Variants in TBC1D2B observed in about 807,000 individuals in gnomAD.
TBC1D2B encodes the protein TBC1 domain family member 2B.
A neutral mutation model predicts 100.8 loss-of-function variants in TBC1D2B; 64 were observed. That is an observed-to-expected ratio of 0.64 (90% CI 0.52 to 0.78). TBC1D2B has a LOEUF of 0.78. Among genes scored for constraint, TBC1D2B ranks in the 30% least tolerant of loss-of-function variants. The pLI is 0.00. For missense variants in TBC1D2B, 1,052 were observed against 1,218.4 expected, an observed-to-expected ratio of 0.86 and a Z score of 2.03; for synonymous variants, 480 against 479.7, an observed-to-expected ratio of 1.00 and a Z score of -0.01.
At chr15:78,031,554 C>CAAAAAAA (rs1225713046) in intron 3 of TBC1D2B, among the ~76,000 whole-genome samples, 28,424 of 54,662 alleles carry the variant, frequency 0.52, 10,344 homozygotes, top group East Asian at 0.67. Flanking sequence ...ACTCTGTCTC[C>CAAAAAAA]AAAAAAAAAA....
intron 3 of TBC1D2B, among the ~76,000 whole-genome samples, chr15:78,038,431 GT>G (rs938708928): frequency 6.1e-4 from 93 of 152,354 alleles, no homozygotes; most frequent in African/African-American, 2.2e-3. Flanking sequence ...GGCAGGGCCT[GT>G]TGGGAAGACA....
chr15:78,016,816 T>C, intron 7 of TBC1D2B, 77 bp from the exon 8 acceptor site: 5 of 1,258,136 alleles, frequency 4.0e-6, no homozygotes, highest in Middle Eastern at 2.0e-4. Context: ...AAATGACCAG[T>C]GAACAACAAA....
chr15:78,008,121 C>T (rs963269537), intron 10 of TBC1D2B, among the ~76,000 whole-genome samples: 20 of 152,210 alleles, frequency 1.3e-4, no homozygotes, highest in Admixed American at 3.9e-4. Flanking sequence ...GGCCGGCTTA[C>T]GGGGAAGCCA....
intron 1 of TBC1D2B, among the ~76,000 whole-genome samples, chr15:78,056,203 G>GGAA (rs1331792709): frequency 1.3e-5 from 2 of 152,184 alleles, no homozygotes; most frequent in Non-Finnish European, 2.9e-5. Flanking sequence ...GTCTTAAAGG[G>GGAA]GAAGCAGGCA....
chr15:78,015,286 A>T (rs2072342611), intron 8 of TBC1D2B, among the ~76,000 whole-genome samples: 1 of 152,208 alleles, frequency 6.6e-6, no homozygotes, highest in African/African-American at 2.4e-5. Context: ...AGGTAAAATG[A>T]AACTATATTG....
intron 9 of TBC1D2B, among the ~76,000 whole-genome samples, chr15:78,010,580 G>C (rs1393884892): frequency 6.6e-6 from 1 of 152,072 alleles, no homozygotes; most frequent in African/African-American, 2.4e-5. Context: ...ACCACTGGCA[G>C]AGACAGAGGA....
chr15:78,035,055 A>G (rs1336421636), intron 3 of TBC1D2B, among the ~76,000 whole-genome samples: 1 of 152,168 alleles, frequency 6.6e-6, no homozygotes, highest in Non-Finnish European at 1.5e-5. Flanking sequence ...CCGCAGTCTC[A>G]TTTGACAGAT....
intron 3 of TBC1D2B, among the ~76,000 whole-genome samples, chr15:78,040,661 A>G (rs2073056568): frequency 1.4e-5 from 2 of 143,100 alleles, no homozygotes; most frequent in Admixed American, 1.4e-4. Flanking sequence ...AGAAAGAAAG[A>G]AAGAGAAAGA....
Position 78,024,565 on chromosome 15 carries a change from G to A in TBC1D2B, c.1087-26C>T, listed in dbSNP as rs770649301. On this transcript the variant is annotated intron_variant, in intron 5 of 12. Coordinates refer to ENST00000300584, the MANE Select transcript of TBC1D2B (RefSeq NM_144572.2). ...CTGGGAGCCAAAAGGAGAATGGAGT[G>A]AAGGGTGAAAAGAGCAAGGAGAGGA... 16 of 1,585,830 alleles carry A rather than the reference G, an allele frequency of 1.0e-5. 1 individual carries two copies. In the South Asian group the frequency reaches 1.5e-4, roughly 15 times the overall value.
chr15:78,077,187 G>A (rs2073842651), intron 1 of TBC1D2B, 106 bp downstream of exon 1: 1 of 1,354,540 alleles, frequency 7.4e-7, no homozygotes, highest in Admixed American at 3.6e-5. Flanking sequence ...GACGTGGGCA[G>A]GGGCGAGGAG....
intron 9 of TBC1D2B, among the ~76,000 whole-genome samples, chr15:78,010,168 G>T (rs1299246273): frequency 1.3e-5 from 2 of 152,126 alleles, no homozygotes; most frequent in Non-Finnish European, 2.9e-5. Context: ...CTGCAGATGA[G>T]GGCACCCCAA....
intron 9 of TBC1D2B, 60 bp from the exon 10 acceptor site, chr15:78,009,174 CCA>C: frequency 8.3e-7 from 1 of 1,209,042 alleles, no homozygotes; most frequent in Non-Finnish European, 1.2e-6. Context: ...ACTACAGTCT[CCA>C]CAGAGACCAT....
At chr15:78,053,852 C>G in intron 2 of TBC1D2B, 182 bp downstream of exon 2, 2 of 652,888 alleles carry the variant, frequency 3.1e-6, no homozygotes. Flanking sequence ...CCAAGGCTGT[C>G]ACTGGGCTTG....
intron 7 of TBC1D2B, 45 bp from the exon 8 acceptor site, chr15:78,016,784 G>C (rs750697127): frequency 6.9e-7 from 1 of 1,441,290 alleles, no homozygotes; most frequent in Admixed American, 2.8e-5. Context: ...AGAGACACAG[G>C]AAGAGCAATC....
Position 78,016,759 on chromosome 15 carries a change from T to C in TBC1D2B, c.1582-20A>G, listed in dbSNP as rs763170675. 1.3e-6 allele frequency: 2 copies of C among 1,501,744 alleles called. No homozygotes were observed. Among genetic ancestry groups the C allele is most frequent in the Non-Finnish European group, 1.8e-6 (2 of 1,127,088 alleles). The allele number at this position is 1,501,744 out of a possible 1,614,324, so 93.0% of individuals were successfully genotyped here. ...AGAATACTGCAGAGAATGTGGTGGT[T>C]ACCTCCATTCAGACAGAGACACAGG... On this transcript the variant is annotated intron_variant, in intron 7 of 12. Coordinates refer to ENST00000300584, the MANE Select transcript of TBC1D2B (RefSeq NM_144572.2).
chr15:78,064,393 A>ACAACAACAAC (rs2141834064), intron 1 of TBC1D2B, among the ~76,000 whole-genome samples: 1 of 152,334 alleles, frequency 6.6e-6, no homozygotes, highest in South Asian at 2.1e-4. Context: ...ACAGGAAGGA[A>ACAACAACAAC]AATATATATA....
chr15:78,064,927 T>C (rs1173591231), intron 1 of TBC1D2B, among the ~76,000 whole-genome samples: 1 of 152,218 alleles, frequency 6.6e-6, no homozygotes, highest in Admixed American at 6.5e-5. Context: ...TTCGTATCTT[T>C]TAAAATTGCT....
At position 78,077,524 on chromosome 15, in the gene TBC1D2B, C is replaced by G; in HGVS notation, c.129G>C (p.Lys43Asn). 1 of 1,522,890 alleles carries G rather than the reference C, an allele frequency of 6.6e-7. No homozygotes were observed. The highest frequency in any genetic ancestry group is 2.7e-5 in the East Asian group (1 of 37,106). 94.3% of individuals were successfully genotyped at this position (1,522,890 alleles called of 1,614,324 possible). ...EPARLCGYLQ[K>N]LSGKGPLRGY... ...CACGCAGGGGGCCCTTGCCCGACAG[C>G]TTCTGCAGATAGCCACACAGCCGCG... The change falls in exon 1 of 13, where the codon AAG (lysine) becomes AAC (asparagine). Residue 43 changes from lysine to asparagine, a missense_variant. Transcript: ENST00000300584.
intron 6 of TBC1D2B, 38 bp from the exon 7 acceptor site, chr15:78,017,995 T>C: frequency 8.6e-7 from 1 of 1,157,538 alleles, no homozygotes; most frequent in Non-Finnish European, 1.3e-6. Flanking sequence ...TTCACATTGG[T>C]TGAATATTGA....
Sources: gnomAD v4.1 joint callset for allele counts (sites outside exome capture counted in the v4.1 genomes callset) on GRCh38, gnomAD v4.1.1 for gene constraint, MANE v1.5 for transcripts, NCBI Gene and HGNC (gene_info 2026-07-23, HGNC 2026-07-21) for gene names.